SEMA6D: variants seen among roughly 807,000 people sequenced by gnomAD.
The protein encoded by SEMA6D is semaphorin-6D.
Under a neutral mutation model 106.6 loss-of-function variants are expected in SEMA6D, and 35 were observed. That is an observed-to-expected ratio of 0.33 (90% CI 0.25 to 0.44). The LOEUF (loss-of-function observed/expected upper bound fraction) is 0.44. Among genes scored for constraint, SEMA6D ranks in the 20% least tolerant of loss-of-function variants. The pLI is 1.00. For missense variants in SEMA6D, 1,185 were observed against 1,345.9 expected, an observed-to-expected ratio of 0.88 and a Z score of 1.87; for synonymous variants, 499 against 487.7, an observed-to-expected ratio of 1.02 and a Z score of -0.31.
chr15:47,375,155 C>T (rs932982981), intron 1 of SEMA6D, among the ~76,000 whole-genome samples: 1 of 152,160 alleles, frequency 6.6e-6, no homozygotes, highest in Non-Finnish European at 1.5e-5. Context: ...TAGACATCTC[C>T]AGGTGGTATA....
chr15:47,691,412 G>C (rs1306589973), intron 4 of SEMA6D, among the ~76,000 whole-genome samples: 1 of 152,238 alleles, frequency 6.6e-6, no homozygotes, highest in East Asian at 1.9e-4. Context: ...TGTCACTGTA[G>C]TCAAAGAGGA....
chr15:47,370,320 G>A (rs1011151100), intron 1 of SEMA6D, among the ~76,000 whole-genome samples: 1 of 152,094 alleles, frequency 6.6e-6, no homozygotes, highest in Non-Finnish European at 1.5e-5. Context: ...TTGAAAACCA[G>A]CCTGGGCAAC....
chr15:47,222,347 C>T lies in SEMA6D; in HGVS notation c.-239+37929C>T, dbSNP rs532984826. On this transcript the variant is annotated intron_variant, in intron 1 of 19. Transcript: ENST00000558014. ...GGGTACAGGACTTGTGCTTCTCAGA[C>T]CTTCTTTGCCCCTTATTTTTTCTCC... is the stretch of plus-strand genomic sequence containing the variant. 2.0e-5 allele frequency among the ~76,000 whole-genome samples: 3 copies of T among 152,140 alleles called. No homozygotes were observed. The East Asian group carries it at 5.8e-4, about 29-fold the overall frequency.
chr15:47,627,598 C>A (rs1455126503), intron 4 of SEMA6D, among the ~76,000 whole-genome samples: 1 of 152,060 alleles, frequency 6.6e-6, no homozygotes, highest in Non-Finnish European at 1.5e-5. Flanking sequence ...TCAATAAATG[C>A]TCTCACTTGC....
chr15:47,467,932 T>C (rs987976197), intron 2 of SEMA6D, among the ~76,000 whole-genome samples: 10 of 152,122 alleles, frequency 6.6e-5, no homozygotes, highest in African/African-American at 2.4e-4. Flanking sequence ...CCCTCATCTG[T>C]AGCATAAAAA....
At chr15:47,367,688 GCGCGCACACACACACACACA>G (rs2039097692) in intron 1 of SEMA6D, among the ~76,000 whole-genome samples, 1 of 44,196 alleles carries the variant, frequency 2.3e-5, no homozygotes, top group African/African-American at 8.7e-5. Context: ...ACGCGCGCGC[GCGCGCACACACACACACACA>G]CACACACACA....
At chr15:47,316,250 G>A (rs537853672) in intron 1 of SEMA6D, among the ~76,000 whole-genome samples, 93 of 151,592 alleles carry the variant, frequency 6.1e-4, no homozygotes, top group Middle Eastern at 3.4e-3. Flanking sequence ...CCGCCACCAC[G>A]CCTAGCTAAT....
chr15:47,284,280 C>T (rs930539400), intron 1 of SEMA6D, among the ~76,000 whole-genome samples: 2 of 152,178 alleles, frequency 1.3e-5, no homozygotes, highest in African/African-American at 4.8e-5. Context: ...TGTTATCACT[C>T]ACATCATATA....
At chr15:47,425,264 T>A (rs1379131005) in intron 2 of SEMA6D, among the ~76,000 whole-genome samples, 1 of 152,052 alleles carries the variant, frequency 6.6e-6, no homozygotes, top group South Asian at 2.1e-4. Context: ...GAGGAAAAAG[T>A]TTCCTCAGCG....
Position 47,593,818 on chromosome 15 carries a change from G to A in SEMA6D, c.-86-7047G>A, listed in dbSNP as rs115646991. Reference sequence around the variant, plus strand: ...GGTGCATCACGTGGCTGGAGTGGAAGCAAGAAAGAGGGCGGTGCAGTGCTA... The same window carrying A: ...GGTGCATCACGTGGCTGGAGTGGAAACAAGAAAGAGGGCGGTGCAGTGCTA... On this transcript the variant is annotated intron_variant, in intron 3 of 19. Transcript: ENST00000558014. 3.3e-3 allele frequency among the ~76,000 whole-genome samples: 504 copies of A among 152,244 alleles called. 2 individuals carry two copies. Among genetic ancestry groups the A allele is most frequent in the African/African-American group, 0.012 (481 of 41,540 alleles).
chr15:47,222,028 C>A (rs539032215), intron 1 of SEMA6D, among the ~76,000 whole-genome samples: 4 of 152,030 alleles, frequency 2.6e-5, no homozygotes, highest in Admixed American at 6.5e-5. Context: ...CACAGACACA[C>A]GCATGCACAC....
intron 2 of SEMA6D, among the ~76,000 whole-genome samples, chr15:47,435,603 A>G (rs577961996): frequency 1.3e-5 from 2 of 152,188 alleles, no homozygotes; most frequent in South Asian, 2.1e-4. Flanking sequence ...AGTGTGGCCA[A>G]TTCTGCTCTG....
Position 47,314,849 on chromosome 15 carries a change from C to CTT in SEMA6D, c.-238-97511_-238-97510dup, listed in dbSNP as rs1173992222. On this transcript the variant is annotated intron_variant, in intron 1 of 19. Transcript: ENST00000558014. Reference sequence around the variant, plus strand: ...ATCAAACCCAAATCATCTAGGTTTTCTTTTTTTTTTTTTTTTTTTTTTTTT... The same window carrying CTT: ...ATCAAACCCAAATCATCTAGGTTTTCTTTTTTTTTTTTTTTTTTTTTTTTTTT... Among the ~76,000 whole-genome samples, 20 of 83,920 alleles carry CTT rather than the reference C, an allele frequency of 2.4e-4. 1 individual carries two copies. Among genetic ancestry groups the CTT allele is most frequent in the African/African-American group, 1.0e-3 (19 of 18,840 alleles). 55.1% of individuals were successfully genotyped at this position (83,920 alleles called of 152,430 possible). A position where few individuals can be genotyped will look rare whatever the true frequency, so the allele number is the denominator to read the frequency against.
At chr15:47,407,237 C>T (rs991896702) in intron 1 of SEMA6D, among the ~76,000 whole-genome samples, 2 of 151,774 alleles carry the variant, frequency 1.3e-5, no homozygotes, top group African/African-American at 4.8e-5. Context: ...TGCATGGTGG[C>T]AGATGCCTGT....
chr15:47,468,802 C>T (rs1457815814), intron 2 of SEMA6D, among the ~76,000 whole-genome samples: 2 of 152,146 alleles, frequency 1.3e-5, no homozygotes, highest in African/African-American at 4.8e-5. Context: ...AACTGTTAGA[C>T]ACTCAGGCTA....
chr15:47,481,520 TC>T (rs1371358746), intron 3 of SEMA6D, among the ~76,000 whole-genome samples: 1 of 152,128 alleles, frequency 6.6e-6, no homozygotes, highest in African/African-American at 2.4e-5. Context: ...GACTGAGTGT[TC>T]CTAAGAATTC....
chr15:47,552,525 T>TACACAC (rs144968308), intron 3 of SEMA6D, among the ~76,000 whole-genome samples: 45 of 130,154 alleles, frequency 3.5e-4, no homozygotes, highest in East Asian at 1.3e-3. Flanking sequence ...TATATATGTA[T>TACACAC]ACACACACAC....
intron 1 of SEMA6D, among the ~76,000 whole-genome samples, chr15:47,318,953 T>C (rs149279375): frequency 2.4e-4 from 37 of 152,266 alleles, no homozygotes; most frequent in African/African-American, 7.7e-4. Context: ...TTTTAATGAT[T>C]GCCATTCTAA....
chr15:47,339,235 A>C (rs2037706353), intron 1 of SEMA6D: 1 of 152,110 alleles, frequency 6.6e-6, no homozygotes, highest in Non-Finnish European at 1.5e-5. Flanking sequence ...TGTTTCCTTA[A>C]GTTCTTTGAG....
Sources: gnomAD v4.1 joint callset for allele counts (sites outside exome capture counted in the v4.1 genomes callset) on GRCh38, gnomAD v4.1.1 for gene constraint, MANE v1.5 for transcripts, NCBI Gene and HGNC (gene_info 2026-07-23, HGNC 2026-07-21) for gene names.